The following ECT2 variants were observed in gnomAD, a reference collection of about 807,000 sequenced individuals.
ECT2 encodes epithelial cell transforming 2.
ECT2 carries 61 observed loss-of-function variants against 116.9 expected under a neutral mutation model. That is an observed-to-expected ratio of 0.52 (90% CI 0.42 to 0.65). The LOEUF (loss-of-function observed/expected upper bound fraction) is 0.65. Among genes scored for constraint, ECT2 ranks in the 30% least tolerant of loss-of-function variants. The pLI, the probability that ECT2 is intolerant of heterozygous loss-of-function variation, is 0.00. For missense variants in ECT2, 937 were observed against 1,078.7 expected, an observed-to-expected ratio of 0.87 and a Z score of 1.84; for synonymous variants, 358 against 346.4, an observed-to-expected ratio of 1.03 and a Z score of -0.37.
rs1483062285 is a variant in ECT2 at position 172,798,406 on chromosome 3, C to T, written c.1908-4210C>T. On this transcript the variant is annotated intron_variant, in intron 18 of 24. Transcript: ENST00000392692. Reference sequence around the variant, plus strand: ...AACATAATCATGAAAATGATTCTATCCAACAAGTGCCCTAAAGTCAAGTTT... The same window carrying T: ...AACATAATCATGAAAATGATTCTATTCAACAAGTGCCCTAAAGTCAAGTTT... 3.9e-5 allele frequency among the ~76,000 whole-genome samples: 6 copies of T among 152,026 alleles called. No homozygotes were observed. In the East Asian group the frequency reaches 1.2e-3, roughly 29 times the overall value.
downstream of ECT2, among the ~76,000 whole-genome samples, chr3:172,822,882 A>G (rs1208425447): frequency 6.6e-6 from 1 of 152,100 alleles, no homozygotes; most frequent in Non-Finnish European, 1.5e-5. Context: ...AAAATGGGAC[A>G]TGAATATCCA....
At chr3:172,786,042 T>TTAGAAGAG (rs1723549595) in intron 17 of ECT2, among the ~76,000 whole-genome samples, 1 of 152,188 alleles carries the variant, frequency 6.6e-6, no homozygotes, top group South Asian at 2.1e-4. Flanking sequence ...ATAACCTGGA[T>TTAGAAGAG]TAGAAGAGTC....
At chr3:172,781,057 A>G (rs1045537431) in intron 14 of ECT2, among the ~76,000 whole-genome samples, 6 of 152,020 alleles carry the variant, frequency 3.9e-5, no homozygotes, top group Non-Finnish European at 7.4e-5. Context: ...ATTGTTTTCT[A>G]TGTTTTCTTC....
chr3:172,817,390 GA>G (rs1252305458), intron 24 of ECT2, among the ~76,000 whole-genome samples: 1 of 152,072 alleles, frequency 6.6e-6, no homozygotes, highest in African/African-American at 2.4e-5. Context: ...TACTGGGATT[GA>G]AATATGTTCT....
intron 10 of ECT2, 31 bp downstream of exon 10, chr3:172,762,837 A>C (rs759287302): frequency 6.2e-7 from 1 of 1,609,452 alleles, no homozygotes; most frequent in African/African-American, 1.3e-5. Context: ...GTTGGTTTTT[A>C]AAAACACTAT....
Position 172,820,164 on chromosome 3 carries a change from CCCTT to C in ECT2, c.2673_2676del (p.Leu892SerfsTer14), listed in dbSNP as rs1314730361. 3.7e-6 allele frequency: 6 copies of C among 1,609,580 alleles called. No individual in the cohort carries two copies. The highest frequency in any genetic ancestry group is 5.1e-6 in the Non-Finnish European group (6 of 1,177,322). On this transcript the variant is annotated frameshift_variant, in exon 25 of 25. Transcript: ENST00000392692. LOFTEE classifies it high-confidence loss of function. ...TCTTAACAGGGTATCCCTTCTCCCT[CCCTT>C]GTCAGCCTTCCTTCCTTCTTTGAAA...
intron 14 of ECT2, among the ~76,000 whole-genome samples, chr3:172,777,030 CCTGG>C (rs1721866634): frequency 6.6e-6 from 1 of 152,040 alleles, no homozygotes; most frequent in Admixed American, 6.6e-5. Context: ...CGCCACCACA[CCTGG>C]CTAATTTTTG....
chr3:172,811,957 T>C (rs1728834757), intron 22 of ECT2, among the ~76,000 whole-genome samples: 1 of 151,934 alleles, frequency 6.6e-6, no homozygotes, highest in Non-Finnish European at 1.5e-5. Context: ...AGCATAGACA[T>C]ATGTACATTC....
intron 17 of ECT2, 27 bp downstream of exon 17, chr3:172,784,830 C>CA (rs776524264): frequency 7.8e-7 from 1 of 1,285,420 alleles, no homozygotes. Context: ...TTTCAAACTA[C>CA]ATCAGATATT....
intron 23 of ECT2, 68 bp from the exon 24 acceptor site, chr3:172,816,622 TA>T: frequency 7.1e-7 from 1 of 1,411,928 alleles, no homozygotes; most frequent in African/African-American, 1.4e-5. Flanking sequence ...TTGGCTTTTT[TA>T]TGTTTAAATA....
chr3:172,805,285 C>T (rs538717710), intron 20 of ECT2, among the ~76,000 whole-genome samples: 10 of 151,904 alleles, frequency 6.6e-5, no homozygotes, highest in African/African-American at 2.4e-4. Context: ...TTTTTAAACT[C>T]TGTACTAGCA....
At chr3:172,765,225 A>C (rs761059135) in intron 12 of ECT2, among the ~76,000 whole-genome samples, 1 of 151,698 alleles carries the variant, frequency 6.6e-6, no homozygotes, top group Non-Finnish European at 1.5e-5. Flanking sequence ...ATGAATAGCT[A>C]CTCCTTTATG....
At chr3:172,782,628 C>T (rs996406386) in intron 15 of ECT2, among the ~76,000 whole-genome samples, 2 of 152,116 alleles carry the variant, frequency 1.3e-5, no homozygotes, top group Non-Finnish European at 2.9e-5. Flanking sequence ...CAGATTGTTT[C>T]GTCACCCAGG....
intron 12 of ECT2, among the ~76,000 whole-genome samples, chr3:172,765,015 A>C (rs1368626017): frequency 6.6e-6 from 1 of 152,190 alleles, no homozygotes; most frequent in East Asian, 1.9e-4. Flanking sequence ...AGATTTAAGA[A>C]ACAAAAAAAA....
Position 172,770,045 on chromosome 3 carries a change from C to A in ECT2, c.1428+902C>A, listed in dbSNP as rs6766340. Among the ~76,000 whole-genome samples, 656 of 152,220 alleles carry A rather than the reference C, an allele frequency of 4.3e-3. 5 individuals carry two copies. Among genetic ancestry groups the A allele is most frequent in the African/African-American group, 0.015 (640 of 41,540 alleles). ...AATACATGGATAAGACATGGAAAGA[C>A]TTCTTACTTGATGGTCATAGAGAAG... On this transcript the variant is annotated intron_variant, in intron 13 of 24. Transcript: ENST00000392692.
intron 22 of ECT2, among the ~76,000 whole-genome samples, chr3:172,808,375 CAA>C (rs201401594): frequency 5.6e-5 from 5 of 88,970 alleles, no homozygotes; most frequent in Admixed American, 1.1e-4. Flanking sequence ...CGTGCCTGGC[CAA>C]AAAAAAAAAA....
chr3:172,759,250 A>C (rs1717725934), intron 6 of ECT2, among the ~76,000 whole-genome samples, 181 bp downstream of exon 6: 1 of 152,142 alleles, frequency 6.6e-6, no homozygotes, highest in Non-Finnish European at 1.5e-5. Context: ...TAAAGAGACC[A>C]GTGTTTTGTC....
intron 17 of ECT2, 41 bp downstream of exon 17, chr3:172,784,844 A>G (rs1723330885): frequency 8.2e-7 from 1 of 1,214,888 alleles, no homozygotes; most frequent in Non-Finnish European, 1.2e-6. Flanking sequence ...AGATATTTTA[A>G]TGGAATTGTT....
chr3:172,802,668 G>T lies in ECT2; in HGVS notation c.1960G>T (p.Val654Phe). Reference protein sequence around the residue: ...KTEAQKQIFDVVYEVDGCPAN... With the variant: ...KTEAQKQIFDFVYEVDGCPAN... ...AGAAGCTCAAAAGCAAATTTTTGATGTTGTTTATGAAGTAGATGGATGCCC... is the reference window on the plus strand; with the variant it reads ...AGAAGCTCAAAAGCAAATTTTTGATTTTGTTTATGAAGTAGATGGATGCCC... The change falls in exon 19 of 25, where the codon GTT (valine) becomes TTT (phenylalanine). Residue 654 changes from valine to phenylalanine, a missense_variant. Val to Phe is a conservative substitution (Grantham distance 50). Coordinates refer to ENST00000392692, the MANE Select transcript of ECT2 (RefSeq NM_001258315.2). 5 of 1,603,298 alleles carry T rather than the reference G, an allele frequency of 3.1e-6. No homozygotes were observed. Among genetic ancestry groups the T allele is most frequent in the Non-Finnish European group, 4.3e-6 (5 of 1,174,976 alleles).
Sources: allele counts gnomAD v4.1 joint callset (sites outside exome capture counted in the v4.1 genomes callset), GRCh38; gene constraint gnomAD v4.1.1; transcripts MANE v1.5; gene names NCBI Gene and HGNC (gene_info 2026-07-23, HGNC 2026-07-21).